The following PCGF3 variants were observed in gnomAD, a reference collection of about 807,000 sequenced individuals.
PCGF3 encodes polycomb group ring finger 3.
In PCGF3, 7 loss-of-function variants were observed where a neutral mutation model predicts 33.1. The ratio of observed to expected loss-of-function variants is 0.21; its 90% CI spans 0.12 to 0.40. The LOEUF (loss-of-function observed/expected upper bound fraction) is 0.40. PCGF3 is among the 10% of genes least tolerant of loss of function. The probability of loss-of-function intolerance (pLI) is 1.00; values close to 1 mark genes in which losing one functional copy is unlikely to be tolerated. For synonymous variants in PCGF3, 153 were observed against 121.3 expected, an observed-to-expected ratio of 1.26 and a Z score of -1.72; for missense variants, 211 against 313.3, an observed-to-expected ratio of 0.67 and a Z score of 2.46.
intron 9 of PCGF3, among the ~76,000 whole-genome samples, chr4:764,076 G>A (rs1161256109): frequency 6.6e-6 from 1 of 152,138 alleles, no homozygotes; most frequent in Non-Finnish European, 1.5e-5. Flanking sequence ...AGGGCTCCTG[G>A]GCGGCGATGC....
intron 9 of PCGF3, among the ~76,000 whole-genome samples, chr4:763,612 G>A (rs1388571328): frequency 6.6e-6 from 1 of 152,260 alleles, no homozygotes; most frequent in Non-Finnish European, 1.5e-5. Context: ...GTTCATTCCT[G>A]TGGGAAGTGG....
chr4:760,102 C>G (rs1320656138), intron 8 of PCGF3, among the ~76,000 whole-genome samples: 5 of 152,236 alleles, frequency 3.3e-5, no homozygotes, highest in African/African-American at 7.2e-5. Flanking sequence ...ACTTATCTCC[C>G]CAGTGGCTCT....
At chr4:765,432 CAAAA>C (rs33972537) in intron 10 of PCGF3, among the ~76,000 whole-genome samples, 4 of 139,418 alleles carry the variant, frequency 2.9e-5, no homozygotes, top group Non-Finnish European at 3.2e-5. Context: ...GACTCTGTCT[CAAAA>C]AAAAAAAAAA....
chr4:741,355 G>A (rs1744081530), intron 6 of PCGF3, among the ~76,000 whole-genome samples: 1 of 152,212 alleles, frequency 6.6e-6, no homozygotes, highest in East Asian at 1.9e-4. Context: ...GATCAGGCTG[G>A]ACTGCCGCAG....
At chr4:769,842 C>T (rs1044180) in exon 11 of PCGF3, 8,076 of 152,768 alleles carry the variant, frequency 0.053, 299 homozygotes, top group East Asian at 0.12. Flanking sequence ...CAGCAGCGTA[C>T]GGCAGACGAA....
intron 1 of PCGF3, among the ~76,000 whole-genome samples, chr4:716,417 C>CTG (rs1742841291): frequency 1.5e-5 from 2 of 133,492 alleles, no homozygotes; most frequent in Admixed American, 7.5e-5. Flanking sequence ...CCTGTAGACA[C>CTG]TGAGTGTGAG....
chr4:722,438 C>T, intron 1 of PCGF3: 1 of 264,282 alleles, frequency 3.8e-6, no homozygotes, highest in Non-Finnish European at 7.4e-6. Flanking sequence ...GGTGTCTGAG[C>T]TGGGTGGAGA....
At chr4:713,506 T>C (rs1309722461) in intron 1 of PCGF3, among the ~76,000 whole-genome samples, 5 of 142,524 alleles carry the variant, frequency 3.5e-5, no homozygotes, top group African/African-American at 1.3e-4. Context: ...GGCTGTGGCC[T>C]TGTGGGTCCT....
chr4:734,293 C>G, intron 4 of PCGF3: 1 of 1,456,848 alleles, frequency 6.9e-7, no homozygotes, highest in South Asian at 1.5e-5. Context: ...AGGCTCGGCT[C>G]TTATGCTAAC....
At chr4:706,241 C>CCCAGGCAGGACCCCGGGAGGG (rs1742292940) in intron 1 of PCGF3, among the ~76,000 whole-genome samples, 1 of 146,950 alleles carries the variant, frequency 6.8e-6, no homozygotes, top group African/African-American at 2.5e-5. Context: ...GGGACTCCAG[C>CCCAGGCAGGACCCCGGGAGGG]CTAGGCAGGA....
At chr4:749,930 C>T (rs1252407825) in intron 8 of PCGF3, among the ~76,000 whole-genome samples, 1 of 152,226 alleles carries the variant, frequency 6.6e-6, no homozygotes, top group Non-Finnish European at 1.5e-5. Context: ...CCCAAGCCTC[C>T]AGAGTAGCAG....
chr4:731,338 C>T (rs186014526), intron 3 of PCGF3: 2 of 400,830 alleles, frequency 5.0e-6, no homozygotes, highest in East Asian at 3.6e-5. Flanking sequence ...GGGCTGGTCT[C>T]CTTCCGTCAC....
chr4:731,083 G>A, exon 3 of PCGF3: 1 of 398,640 alleles, frequency 2.5e-6, no homozygotes, highest in Admixed American at 4.4e-5. Context: ...CCCCGGCAGA[G>A]GGACGGACAC....
intron 5 of PCGF3, among the ~76,000 whole-genome samples, chr4:736,339 C>T (rs1743819613): frequency 6.6e-6 from 1 of 152,214 alleles, no homozygotes; most frequent in Non-Finnish European, 1.5e-5. Flanking sequence ...TGAGCCACCA[C>T]ACCCGGCCCT....
At chr4:751,242 T>C (rs1458532950) in intron 8 of PCGF3, among the ~76,000 whole-genome samples, 1 of 152,224 alleles carries the variant, frequency 6.6e-6, no homozygotes, top group Non-Finnish European at 1.5e-5. Flanking sequence ...CTTCCAAAAC[T>C]TGGGAAGTCA....
In PCGF3 at chr4:731,122, G is replaced by GC. The variant is rs1437814002; in HGVS notation, c.-10+18dup. ...GACGTCTAGCGGAGGTGAGGCCCAC[G>GC]CCCCCCGACCCCGGGGGTCCTGCTG... On this transcript the variant is annotated intron_variant, in intron 3 of 10. Transcript: ENST00000362003. 1.5e-5 allele frequency: 6 copies of GC among 398,446 alleles called. No homozygotes were observed. The highest frequency in any genetic ancestry group is 2.7e-5 in the Non-Finnish European group (6 of 225,992). 24.7% of individuals were successfully genotyped at this position (398,446 alleles called of 1,614,324 possible).
At chr4:711,531 C>T (rs1577392636) in intron 1 of PCGF3, among the ~76,000 whole-genome samples, 2 of 144,202 alleles carry the variant, frequency 1.4e-5, no homozygotes. Flanking sequence ...AATCTCGGCT[C>T]ACTGCAAGCT....
At chr4:765,300 G>T (rs749308909) in intron 10 of PCGF3, among the ~76,000 whole-genome samples, 15 of 152,190 alleles carry the variant, frequency 9.9e-5, no homozygotes, top group East Asian at 1.9e-4. Context: ...AGGCGTAGTG[G>T]TGGGCACCTG....
At chr4:763,270 G>T (rs1226276205) in intron 9 of PCGF3, among the ~76,000 whole-genome samples, 1 of 152,206 alleles carries the variant, frequency 6.6e-6, no homozygotes, top group African/African-American at 2.4e-5. Flanking sequence ...GAAGTCCTTG[G>T]ATTTTCATGT....
Sources: gnomAD v4.1 joint callset for allele counts (sites outside exome capture counted in the v4.1 genomes callset) on GRCh38, gnomAD v4.1.1 for gene constraint, MANE v1.5 for transcripts, NCBI Gene and HGNC (gene_info 2026-07-23, HGNC 2026-07-21) for gene names.